The following BNC2 variants were observed in gnomAD, a reference collection of about 807,000 sequenced individuals.
The protein encoded by BNC2 is basonuclin zinc finger protein 2, also known as zinc finger protein basonuclin-2.
BNC2 carries 20 observed loss-of-function variants against 76.3 expected under a neutral mutation model. The ratio of observed to expected loss-of-function variants is 0.26; its 90% confidence interval spans 0.18 to 0.38. The LOEUF (loss-of-function observed/expected upper bound fraction) is 0.38, where lower values mean the gene tolerates loss of function less well. Among genes scored for constraint, BNC2 ranks in the 10% least tolerant of loss-of-function variants. BNC2 has a pLI of 1.00. For synonymous variants in BNC2, 582 were observed against 514.8 expected (o/e 1.13, Z -1.77); for missense variants, 1,382 against 1,399.8 (o/e 0.99, Z 0.20).
chr9:16,738,538 A>T (rs1448562633), intron 1 of BNC2, 53 bp from the exon 2 acceptor site: 2 of 1,567,096 alleles, frequency 1.3e-6, no homozygotes, highest in African/African-American at 3.2e-5. Context: ...TATTACTTAA[A>T]AGCATTGAGT....
At chr9:16,589,039 T>G (rs1428587693) in intron 3 of BNC2, among the ~76,000 whole-genome samples, 15 of 152,208 alleles carry the variant, frequency 9.9e-5, no homozygotes, top group Admixed American at 9.8e-4. Flanking sequence ...TCTGAACGAC[T>G]AATCATAATG....
At chr9:16,650,727 A>G (rs530720791) in intron 3 of BNC2, among the ~76,000 whole-genome samples, 1 of 152,276 alleles carries the variant, frequency 6.6e-6, no homozygotes, top group East Asian at 1.9e-4. Flanking sequence ...GAAAAGGGAA[A>G]TATCTTATAG....
intron 3 of BNC2, among the ~76,000 whole-genome samples, chr9:16,688,344 A>G (rs1263830112): frequency 2.6e-5 from 4 of 152,226 alleles, no homozygotes; most frequent in African/African-American, 9.6e-5. Context: ...GAAGCCTCAG[A>G]AGTTAGCCAG....
intron 1 of BNC2, among the ~76,000 whole-genome samples, chr9:16,865,996 T>C (rs540997201): frequency 6.6e-6 from 1 of 152,290 alleles, no homozygotes; most frequent in East Asian, 1.9e-4. Flanking sequence ...TGAGAGCTAC[T>C]GTGCAAAAGA....
chr9:16,737,865 G>T (rs554930073), intron 2 of BNC2, among the ~76,000 whole-genome samples: 1 of 152,200 alleles, frequency 6.6e-6, no homozygotes, highest in South Asian at 2.1e-4. Flanking sequence ...GGTTCAGGTA[G>T]TGTTATGTAT....
At chr9:16,596,169 C>G (rs1820065914) in intron 3 of BNC2, among the ~76,000 whole-genome samples, 1 of 152,020 alleles carries the variant, frequency 6.6e-6, no homozygotes, top group East Asian at 1.9e-4. Flanking sequence ...CTATGAAGGA[C>G]TTTAAGGTTT....
chr9:16,537,624 G>A (rs1818170611), intron 5 of BNC2, among the ~76,000 whole-genome samples: 1 of 150,172 alleles, frequency 6.7e-6, no homozygotes, highest in Non-Finnish European at 1.5e-5. Context: ...GGAGAAGGTA[G>A]ATGTATCTTT....
intron 1 of BNC2, among the ~76,000 whole-genome samples, chr9:16,830,382 TTTGC>T (rs1818553121): frequency 6.6e-6 from 1 of 152,186 alleles, no homozygotes; most frequent in Non-Finnish European, 1.5e-5. Flanking sequence ...TGGTGTAGCA[TTTGC>T]ATATAACCTA....
chr9:16,870,023 G>A (rs1171892981), intron 1 of BNC2, among the ~76,000 whole-genome samples: 1 of 152,144 alleles, frequency 6.6e-6, no homozygotes, highest in African/African-American at 2.4e-5. Flanking sequence ...TTCCTGCCCT[G>A]CGTTCTGCAC....
At chr9:16,566,755 T>G (rs183187894) in intron 4 of BNC2, among the ~76,000 whole-genome samples, 1 of 152,272 alleles carries the variant, frequency 6.6e-6, no homozygotes, top group East Asian at 1.9e-4. Context: ...GTATAGACCC[T>G]GGAAAGTCGT....
intron 1 of BNC2, among the ~76,000 whole-genome samples, chr9:16,833,817 G>C (rs1818638540): frequency 1.3e-5 from 2 of 152,056 alleles, no homozygotes; most frequent in South Asian, 4.1e-4. Context: ...AGTAACTCTT[G>C]GTCCTTAACA....
intron 4 of BNC2, among the ~76,000 whole-genome samples, chr9:16,565,169 A>G (rs1011334637): frequency 2.0e-5 from 3 of 152,150 alleles, no homozygotes; most frequent in African/African-American, 4.8e-5. Context: ...AATCTTCTCA[A>G]AATACTGCTT....
intron 3 of BNC2, among the ~76,000 whole-genome samples, chr9:16,702,771 G>A (rs1823552407): frequency 6.6e-6 from 1 of 152,116 alleles, no homozygotes; most frequent in Non-Finnish European, 1.5e-5. Flanking sequence ...CTTCAAGTGT[G>A]TTGTCTCATT....
At chr9:16,846,998 T>C (rs907865218) in intron 1 of BNC2, among the ~76,000 whole-genome samples, 22 of 152,212 alleles carry the variant, frequency 1.4e-4, no homozygotes, top group African/African-American at 5.3e-4. Context: ...ACACTATTTC[T>C]GCAAAACACA....
intron 1 of BNC2, among the ~76,000 whole-genome samples, chr9:16,765,701 A>T (rs545795205): frequency 3.9e-5 from 6 of 152,150 alleles, no homozygotes; most frequent in Non-Finnish European, 8.8e-5. Flanking sequence ...CCTTAATTAA[A>T]GCTGGGCAAT....
chr9:16,544,677 G>C (rs551664449), intron 5 of BNC2, among the ~76,000 whole-genome samples: 3 of 151,952 alleles, frequency 2.0e-5, no homozygotes, highest in South Asian at 4.2e-4. Flanking sequence ...AAATTAGCTA[G>C]GTGTGCTGGC....
At chr9:16,782,732 G>A (rs1243541135) in intron 1 of BNC2, among the ~76,000 whole-genome samples, 1 of 152,094 alleles carries the variant, frequency 6.6e-6, no homozygotes, top group Non-Finnish European at 1.5e-5. Flanking sequence ...TGGTTGCCTG[G>A]TTTCATATTC....
At chr9:16,424,177 G>A (rs993561287) in intron 6 of BNC2, among the ~76,000 whole-genome samples, 13 of 151,520 alleles carry the variant, frequency 8.6e-5, no homozygotes, top group African/African-American at 1.7e-4. Context: ...GTGATGTCTG[G>A]CCCATAAAAC....
intron 5 of BNC2, among the ~76,000 whole-genome samples, chr9:16,499,219 G>A (rs1301636253): frequency 6.6e-6 from 1 of 152,074 alleles, no homozygotes; most frequent in Non-Finnish European, 1.5e-5. Context: ...CTTCCAAGGT[G>A]GGTATTACTA....
Sources: gnomAD v4.1 joint callset for allele counts (sites outside exome capture counted in the v4.1 genomes callset) on GRCh38, gnomAD v4.1.1 for gene constraint, MANE v1.5 for transcripts, NCBI Gene and HGNC (gene_info 2026-07-23, HGNC 2026-07-21) for gene names.